Variants in UBXN2A observed in about 807,000 individuals in gnomAD.
UBXN2A encodes the protein UBX domain protein 2A.
UBXN2A carries 28 observed loss-of-function variants against 28.4 expected under a neutral mutation model. The ratio of observed to expected loss-of-function variants is 0.99; its 90% CI spans 0.73 to 1.35. The LOEUF (loss-of-function observed/expected upper bound fraction) is 1.35. Ranked by LOEUF, UBXN2A falls within the 40% of genes most tolerant of loss-of-function variation. The pLI is 0.00. For synonymous variants in UBXN2A, 97 were observed against 103.6 expected (o/e 0.94, Z 0.39); for missense variants, 253 against 297.9 (o/e 0.85, Z 1.11).
chr2:23,928,747 A>G (rs955637510), intron 1 of UBXN2A, among the ~76,000 whole-genome samples: 2 of 152,188 alleles, frequency 1.3e-5, no homozygotes, highest in Non-Finnish European at 2.9e-5. Flanking sequence ...GCTCCCAATC[A>G]TTCCAAAAAA....
chr2:23,981,916 A>T (rs1431452011), intron 4 of UBXN2A, among the ~76,000 whole-genome samples: 1 of 152,166 alleles, frequency 6.6e-6, no homozygotes, highest in East Asian at 1.9e-4. Flanking sequence ...TTATTTATTT[A>T]ACAGAGATAT....
At chr2:23,961,118 G>A (rs1053971999) in intron 2 of UBXN2A, among the ~76,000 whole-genome samples, 2 of 143,518 alleles carry the variant, frequency 1.4e-5, no homozygotes, top group East Asian at 2.0e-4. Context: ...TTTTTGAGAC[G>A]GAGTTTTGCT....
intron 1 of UBXN2A, among the ~76,000 whole-genome samples, chr2:23,942,581 G>C (rs993028783): frequency 4.6e-5 from 7 of 151,898 alleles, no homozygotes; most frequent in Admixed American, 4.6e-4. Flanking sequence ...ACCATGCCCG[G>C]CTAATTTTTG....
chr2:23,962,035 G>C (rs558219522), intron 2 of UBXN2A, among the ~76,000 whole-genome samples: 2 of 152,012 alleles, frequency 1.3e-5, no homozygotes, highest in Non-Finnish European at 2.9e-5. Context: ...AGTAGAGATG[G>C]GGTTTCACCA....
At chr2:23,942,429 T>TG (rs1389081693) in intron 1 of UBXN2A, among the ~76,000 whole-genome samples, 1 of 148,144 alleles carries the variant, frequency 6.8e-6, no homozygotes, top group East Asian at 2.0e-4. Context: ...CTTTTTTTTT[T>TG]TTTTTTTTTT....
At chr2:23,973,838 G>A (rs1467599441) in intron 3 of UBXN2A, among the ~76,000 whole-genome samples, 8 of 151,498 alleles carry the variant, frequency 5.3e-5, no homozygotes, top group Non-Finnish European at 1.2e-4. Context: ...CACCATGTTG[G>A]ACAGGCTGGT....
rs890028563 is a variant in UBXN2A, at chr2:24,002,546, A to G, written c.*2679A>G. The G allele has an allele frequency of 6.6e-6, 1 of 151,886 alleles. No individual in the cohort carries two copies. The highest frequency in any genetic ancestry group is 2.4e-5 in the African/African-American group (1 of 41,282). The allele number at this position is 151,886 out of a possible 1,614,324, so 9.4% of individuals were successfully genotyped here. A position where few individuals can be genotyped will look rare whatever the true frequency, so the allele number is the denominator to read the frequency against. On this transcript the variant is annotated 3_prime_UTR_variant, in exon 7 of 7. Transcript: ENST00000309033. ...TGCCACAGCCTCCCGAGTAGCTGGG[A>G]TTATAGGCGCCCACTACCACGCCTG...
intron 1 of UBXN2A, chr2:23,944,498 A>G (rs1455089181): frequency 1.2e-5 from 7 of 606,880 alleles, no homozygotes; most frequent in Non-Finnish European, 2.2e-5. Context: ...ACAGTACAGT[A>G]CCTTGTAGAC....
intron 1 of UBXN2A, among the ~76,000 whole-genome samples, chr2:23,955,292 CCTT>C (rs1238547216): frequency 1.3e-5 from 2 of 152,058 alleles, no homozygotes; most frequent in Non-Finnish European, 2.9e-5. Flanking sequence ...TTGCTGTAAC[CCTT>C]CTTTGACTAT....
chr2:23,947,581 T>A (rs1461591225), intron 1 of UBXN2A, among the ~76,000 whole-genome samples: 1 of 152,204 alleles, frequency 6.6e-6, no homozygotes, highest in Non-Finnish European at 1.5e-5. Flanking sequence ...TATAAATAAA[T>A]TTTAGTTGGT....
chr2:23,957,552 T>C (rs1370632075), intron 1 of UBXN2A, among the ~76,000 whole-genome samples: 7 of 150,872 alleles, frequency 4.6e-5, no homozygotes, highest in African/African-American at 1.7e-4. Flanking sequence ...GATCCACCCA[T>C]GGCTGGGCAC....
At chr2:23,937,238 A>G (rs531571114), upstream of UBXN2A, among the ~76,000 whole-genome samples, 7 of 152,280 alleles carry the variant, frequency 4.6e-5, no homozygotes, top group South Asian at 1.4e-3. Context: ...AGGCATCCAC[A>G]TTAGAAAGAA....
chr2:23,949,431 C>T (rs1182770043), intron 1 of UBXN2A, among the ~76,000 whole-genome samples: 2 of 151,720 alleles, frequency 1.3e-5, no homozygotes, highest in African/African-American at 2.4e-5. Flanking sequence ...ATTAGCCGGG[C>T]GTGGTGGCAC....
chr2:23,944,235 G>A (rs1705922147), intron 1 of UBXN2A: 2 of 1,595,948 alleles, frequency 1.3e-6, no homozygotes, highest in East Asian at 2.3e-5. Context: ...TACCTGGAAT[G>A]GGATCCAACA....
At chr2:23,938,550 C>A (rs576458151), upstream of UBXN2A, among the ~76,000 whole-genome samples, 1 of 142,940 alleles carries the variant, frequency 7.0e-6, no homozygotes, top group East Asian at 1.9e-4. Context: ...GTGGCCCCCC[C>A]CTCCCTTTTT....
intron 2 of UBXN2A, among the ~76,000 whole-genome samples, chr2:23,966,043 CA>C (rs1272388791): frequency 6.6e-6 from 1 of 152,128 alleles, no homozygotes; most frequent in Non-Finnish European, 1.5e-5. Context: ...TGTGCCTATA[CA>C]CTCATCAAAA....
At chr2:23,929,805 T>G (rs566049590) in intron 1 of UBXN2A, among the ~76,000 whole-genome samples, 1 of 152,308 alleles carries the variant, frequency 6.6e-6, no homozygotes, top group African/African-American at 2.4e-5. Flanking sequence ...TCCTCCTTTT[T>G]TGTGTGTGTT....
intron 1 of UBXN2A, among the ~76,000 whole-genome samples, chr2:23,944,578 T>A (rs1456632680): frequency 6.6e-6 from 1 of 152,176 alleles, no homozygotes; most frequent in African/African-American, 2.4e-5. Flanking sequence ...AACTCCCCTT[T>A]TTTTGCCCAC....
chr2:23,948,779 G>A (rs1706218929), intron 1 of UBXN2A, among the ~76,000 whole-genome samples: 1 of 152,096 alleles, frequency 6.6e-6, no homozygotes, highest in Non-Finnish European at 1.5e-5. Context: ...TGAATTTGAG[G>A]TCTATTCTAT....
Sources: allele counts gnomAD v4.1 joint callset (sites outside exome capture counted in the v4.1 genomes callset), GRCh38; gene constraint gnomAD v4.1.1; transcripts MANE v1.5; gene names NCBI Gene and HGNC (gene_info 2026-07-23, HGNC 2026-07-21).